The following TMPRSS3 variants were observed in gnomAD, a reference collection of about 807,000 sequenced individuals.
TMPRSS3 encodes the protein transmembrane serine protease 3.
In TMPRSS3, 55 loss-of-function variants were observed where a neutral mutation model predicts 59.6. The observed-to-expected ratio is 0.92, with a 90% confidence interval of 0.74 to 1.16. The LOEUF (loss-of-function observed/expected upper bound fraction) is 1.16, where lower values mean the gene tolerates loss of function less well. Among genes scored for constraint, TMPRSS3 ranks in the 50% most tolerant of loss-of-function variants. The pLI is 0.00. For synonymous variants in TMPRSS3, 257 were observed against 237.7 expected (o/e 1.08, Z -0.75); for missense variants, 596 against 579.4 (o/e 1.03, Z -0.29).
chr21:42,385,715 A>G (rs560711497), intron 5 of TMPRSS3, among the ~76,000 whole-genome samples, 181 bp from the exon 6 acceptor site: 2 of 152,330 alleles, frequency 1.3e-5, no homozygotes, highest in South Asian at 4.1e-4. Flanking sequence ...CAAGGCATTC[A>G]GTCCAGGCCT....
chr21:42,376,684 C>T lies in TMPRSS3; in HGVS notation c.1049-1G>A. On this transcript the variant is annotated splice_acceptor_variant, in intron 10 of 12. Coordinates refer to ENST00000644384, the MANE Select transcript of TMPRSS3 (RefSeq NM_001256317.3). LOFTEE classifies it high-confidence loss of function. ...TGGTTCAGGACAGGGGAGGCGTCAC[C>T]TGCTTCAAAGTGAGTGAGGGGATGT... 1 of 1,614,032 alleles carries T rather than the reference C, an allele frequency of 6.2e-7. No homozygotes were observed. The highest frequency in any genetic ancestry group is 8.5e-7 in the Non-Finnish European group (1 of 1,180,040).
chr21:42,393,994 A>G (rs1477525762), intron 2 of TMPRSS3, among the ~76,000 whole-genome samples: 1 of 152,244 alleles, frequency 6.6e-6, no homozygotes, highest in East Asian at 1.9e-4. Flanking sequence ...AAATATAGAT[A>G]TATAGATAGA....
intron 11 of TMPRSS3, 60 bp downstream of exon 11, chr21:42,376,481 G>C: frequency 6.2e-7 from 1 of 1,607,510 alleles, no homozygotes; most frequent in Non-Finnish European, 8.5e-7. Context: ...CGCTGGCAAC[G>C]ACCTGTCCCA....
In TMPRSS3 at chr21:42,372,753, C is replaced by G. The variant is rs376617444; in HGVS notation, c.*9G>C. ...CAGGAACTCAGGTGGCTACTTGTCC[C>G]CTTCCTCTTCAGGTTTTTAGGTCTC... On this transcript the variant is annotated 3_prime_UTR_variant, in exon 13 of 13. Coordinates refer to ENST00000644384, the MANE Select transcript of TMPRSS3 (RefSeq NM_001256317.3). The G allele has an allele frequency of 3.7e-6, 6 of 1,613,944 alleles. No homozygotes were observed. The highest frequency in any genetic ancestry group is 5.1e-6 in the Non-Finnish European group (6 of 1,179,986).
intron 5 of TMPRSS3, among the ~76,000 whole-genome samples, chr21:42,387,506 CAGTT>C (rs1237322645): frequency 6.6e-6 from 1 of 152,054 alleles, no homozygotes; most frequent in Non-Finnish European, 1.5e-5. Flanking sequence ...TTCTGAATCT[CAGTT>C]GGTGTGGAGG....
intron 10 of TMPRSS3, 97 bp downstream of exon 10, chr21:42,380,020 C>A: frequency 9.7e-7 from 1 of 1,025,752 alleles, no homozygotes; most frequent in African/African-American, 1.6e-5. Context: ...TCTGGGCAGC[C>A]CATGGGAACA....
intron 7 of TMPRSS3, chr21:42,383,662 C>A (rs1431067824): frequency 1.6e-6 from 1 of 607,360 alleles, no homozygotes; most frequent in Non-Finnish European, 3.1e-6. Flanking sequence ...GCACTGTGCA[C>A]GTGTAAGGAG....
At chr21:42,382,308 A>G in intron 8 of TMPRSS3, 74 bp from the exon 9 acceptor site, 1 of 1,360,298 alleles carries the variant, frequency 7.4e-7, no homozygotes, top group Non-Finnish European at 1.0e-6. Context: ...AGGTATCCTG[A>G]AAACCTAGGA....
At position 42,376,677 on chromosome 21, in the gene TMPRSS3, G is replaced by A; in HGVS notation, c.1055C>T (p.Ala352Val). 1 of 1,614,078 alleles carries A rather than the reference G, an allele frequency of 6.2e-7. No homozygotes were observed. Among genetic ancestry groups the A allele is most frequent in the East Asian group, 2.2e-5 (1 of 44,878 alleles). The change falls in exon 11 of 13, where the codon GCC (alanine) becomes GTC (valine). Residue 352 changes from alanine to valine, a missense_variant. Coordinates refer to ENST00000644384, the MANE Select transcript of TMPRSS3 (RefSeq NM_001256317.3). ...GWGATEDGGD[A>V]SPVLNHAAVP... ...GGCCGCGTGGTTCAGGACAGGGGAG[G>A]CGTCACCTGCTTCAAAGTGAGTGAG... is the stretch of plus-strand genomic sequence containing the variant.
At chr21:42,376,766 T>C in intron 10 of TMPRSS3, 83 bp from the exon 11 acceptor site, 1 of 1,599,544 alleles carries the variant, frequency 6.3e-7, no homozygotes, top group Non-Finnish European at 8.5e-7. Flanking sequence ...ACCAGGGGGG[T>C]GAGGGAACGA....
At chr21:42,382,326 G>A in intron 8 of TMPRSS3, 92 bp from the exon 9 acceptor site, 1 of 1,186,488 alleles carries the variant, frequency 8.4e-7, no homozygotes, top group Non-Finnish European at 1.2e-6. Context: ...GGAAGATGGT[G>A]GGAGAGGTTA....
intron 7 of TMPRSS3, chr21:42,383,460 A>C: frequency 1.7e-6 from 1 of 579,150 alleles, no homozygotes; most frequent in South Asian, 2.0e-5. Flanking sequence ...CAGCATTGGC[A>C]GCACCACTCC....
intron 3 of TMPRSS3, chr21:42,389,266 C>T (rs2052693820): frequency 2.4e-6 from 2 of 844,746 alleles, no homozygotes; most frequent in Non-Finnish European, 1.8e-6. Flanking sequence ...TGTGGCCTGG[C>T]CCAGGAACCA....
chr21:42,395,386 G>T lies in TMPRSS3; in HGVS notation c.32C>A (p.Ala11Asp), dbSNP rs372629505. 6.2e-6 allele frequency: 10 copies of T among 1,614,046 alleles called. No homozygotes were observed. Among genetic ancestry groups the T allele is most frequent in the Non-Finnish European group, 8.5e-6 (10 of 1,180,014 alleles). The change falls in exon 2 of 13, where the codon GCC (alanine) becomes GAC (aspartate). Residue 11 changes from alanine to aspartate, a missense_variant. Ala to Asp is a moderately radical substitution (Grantham distance 126, BLOSUM62 -2). Coordinates refer to ENST00000644384, the MANE Select transcript of TMPRSS3 (RefSeq NM_001256317.3). MGENDPPAVE[A>D]PFSFRSLFGL... ...AAAAAGCGATCGGAATGAGAAGGGG[G>T]CTTCAACAGCAGGCGGATCATTTTC...
At chr21:42,379,414 C>T (rs962197657) in intron 10 of TMPRSS3, among the ~76,000 whole-genome samples, 3 of 152,248 alleles carry the variant, frequency 2.0e-5, no homozygotes, top group South Asian at 2.1e-4. Context: ...CCCATAGACT[C>T]GGCCTCCCAA....
At position 42,382,145 on chromosome 21, in the gene TMPRSS3, A is replaced by G; in HGVS notation, c.872T>C (p.Val291Ala). 6.2e-7 allele frequency: 1 copy of G among 1,614,202 alleles called. No homozygotes were observed. Among genetic ancestry groups the G allele is most frequent in the Non-Finnish European group, 8.5e-7 (1 of 1,180,024 alleles). Residue 291 changes from valine to alanine, a missense_variant, in exon 9 of 13, where the codon GTC becomes GCC. Physicochemically the swap from Val to Ala is moderately conservative, Grantham distance 64 (BLOSUM62 0). Transcript: ENST00000644384. ...PAPSHLVEKI[V>A]YHSKYKPKRL... ...CTTTGGCTTGTACTTGCTGTGGTAG[A>G]CAATCTTCTCCACCAAGTGGGATGG...
Position 42,385,405 on chromosome 21 carries a change from C to T in TMPRSS3, c.572+4G>A, listed in dbSNP as rs758381706. On this transcript the variant is annotated splice_donor_region_variant and intron_variant, in intron 6 of 12. Coordinates refer to ENST00000644384, the MANE Select transcript of TMPRSS3 (RefSeq NM_001256317.3). ...GCAGACAACAGCATCGCCTGACCAC[C>T]TACCTCACATATACTGAGTGGTGTA... 2.5e-6 allele frequency: 4 copies of T among 1,613,990 alleles called. No homozygotes were observed. In the South Asian group the frequency reaches 4.4e-5, roughly 18 times the overall value.
rs758790604 is a variant in TMPRSS3, at chr21:42,396,013, C to A, written c.-123G>T. The A allele has an allele frequency of 7.7e-6, 4 of 518,884 alleles. No individual in the cohort carries two copies. Among genetic ancestry groups the A allele is most frequent in the African/African-American group, 7.7e-5 (4 of 51,942 alleles). The allele number at this position is 518,884 out of a possible 1,614,324, so 32.1% of individuals were successfully genotyped here. ...GTAGGCCACAGTGTTACTGGCTTCC[C>A]ATAAACACAGCCCTTTCCTGGCTCA... On this transcript the variant is annotated 5_prime_UTR_variant, in exon 1 of 13. The change abolishes an upstream ATG in the 5' untranslated region. Coordinates refer to ENST00000644384, the MANE Select transcript of TMPRSS3 (RefSeq NM_001256317.3).
chr21:42,387,514 G>A (rs1473946010), intron 5 of TMPRSS3, among the ~76,000 whole-genome samples: 1 of 152,162 alleles, frequency 6.6e-6, no homozygotes, highest in East Asian at 1.9e-4. Context: ...CTCAGTTGGT[G>A]TGGAGGGAGA....
Sources: allele counts gnomAD v4.1 joint callset (sites outside exome capture counted in the v4.1 genomes callset), GRCh38; gene constraint gnomAD v4.1.1; transcripts MANE v1.5; gene names NCBI Gene and HGNC (gene_info 2026-07-23, HGNC 2026-07-21).